The following FER variants were observed in gnomAD, a reference collection of about 807,000 sequenced individuals.
The protein encoded by FER is FER tyrosine kinase.
A neutral mutation model predicts 111.0 loss-of-function variants in FER; 63 were observed. That is an observed-to-expected ratio of 0.57 (90% CI 0.46 to 0.70). The LOEUF (loss-of-function observed/expected upper bound fraction) is 0.70. Ranked by LOEUF, FER falls within the 30% of genes least tolerant of loss-of-function variation. The probability of loss-of-function intolerance (pLI) is 0.00; values close to 1 mark genes in which losing one functional copy is unlikely to be tolerated. For synonymous variants in FER, 327 were observed against 313.9 expected (o/e 1.04, Z -0.44); for missense variants, 914 against 954.0 (o/e 0.96, Z 0.55).
In FER at chr5:108,810,352, T is replaced by C. The variant is rs1361628430; in HGVS notation, c.207+11963T>C. 2.6e-5 allele frequency among the ~76,000 whole-genome samples: 4 copies of C among 152,318 alleles called. No homozygotes were observed. In the East Asian group the frequency reaches 7.7e-4, roughly 29 times the overall value. Reference sequence around the variant, plus strand: ...GCTCTCTGTTGCCTCAGGCAATTGATTGATCCGTGTAGTGCACAGTGGTCT... The same window carrying C: ...GCTCTCTGTTGCCTCAGGCAATTGACTGATCCGTGTAGTGCACAGTGGTCT... On this transcript the variant is annotated intron_variant, in intron 3 of 19. Transcript: ENST00000281092.
chr5:109,138,383 T>G (rs1375381726), intron 17 of FER, among the ~76,000 whole-genome samples: 1 of 152,162 alleles, frequency 6.6e-6, no homozygotes, highest in Non-Finnish European at 1.5e-5. Context: ...GATGAACAGT[T>G]TCTGGGAATC....
intron 13 of FER, among the ~76,000 whole-genome samples, chr5:108,972,474 T>C (rs1362517485): frequency 6.6e-6 from 1 of 152,194 alleles, no homozygotes; most frequent in Non-Finnish European, 1.5e-5. Context: ...TACATACTCA[T>C]AAAGCATCTC....
intron 15 of FER, among the ~76,000 whole-genome samples, chr5:109,046,899 G>C (rs1416798276): frequency 2.0e-5 from 3 of 151,976 alleles, no homozygotes; most frequent in East Asian, 1.9e-4. Flanking sequence ...TATCCACGGG[G>C]GTCCTGGAAC....
intron 17 of FER, among the ~76,000 whole-genome samples, chr5:109,128,759 A>G (rs1341451442): frequency 6.6e-6 from 1 of 152,136 alleles, no homozygotes; most frequent in Non-Finnish European, 1.5e-5. Flanking sequence ...TATTATTTTA[A>G]TATATGGAGC....
At chr5:109,003,487 G>A (rs577142613) in intron 13 of FER, among the ~76,000 whole-genome samples, 32 of 152,162 alleles carry the variant, frequency 2.1e-4, no homozygotes, top group African/African-American at 6.5e-4. Flanking sequence ...GAGCGGGGAG[G>A]GATAGCAATT....
At chr5:109,187,022 TATTGA>T (rs1157494265) in intron 19 of FER, among the ~76,000 whole-genome samples, 1 of 151,998 alleles carries the variant, frequency 6.6e-6, no homozygotes, top group African/African-American at 2.4e-5. Flanking sequence ...TTTATTTCCC[TATTGA>T]ATTCACATTT....
chr5:109,080,765 C>A (rs1342779043), intron 16 of FER, among the ~76,000 whole-genome samples: 4 of 151,998 alleles, frequency 2.6e-5, no homozygotes. Flanking sequence ...ATGAGTAAAA[C>A]ATTATTCTCA....
In FER at chr5:109,037,409, T is replaced by C; in HGVS notation, c.1657-13T>C. 5 of 1,609,546 alleles carry C rather than the reference T, an allele frequency of 3.1e-6. No individual in the cohort carries two copies. Among genetic ancestry groups the C allele is most frequent in the Non-Finnish European group, 3.4e-6 (4 of 1,176,588 alleles). The stretch of plus-strand genomic sequence containing the variant: ...TGCTTGTACTAAACAACTGTTCTTA[T>C]TCTTTGCTGTAGGACAAGAAATGGA... On this transcript the variant is annotated splice_polypyrimidine_tract_variant and intron_variant, in intron 13 of 19. Transcript: ENST00000281092.
At chr5:108,852,437 T>G (rs1308633697) in intron 5 of FER, among the ~76,000 whole-genome samples, 1 of 152,198 alleles carries the variant, frequency 6.6e-6, no homozygotes, top group Non-Finnish European at 1.5e-5. Context: ...GTTGATTTCC[T>G]CAATTTGAGG....
chr5:109,051,744 C>G lies in FER; in HGVS notation c.1924+4546C>G, dbSNP rs193096744. The G allele has an allele frequency of 3.1e-3, 4,818 of 1,572,826 alleles. 14 individuals carry two copies. The highest frequency in any genetic ancestry group is 3.3e-3 in the Non-Finnish European group (3,736 of 1,142,612). On this transcript the variant is annotated intron_variant, in intron 16 of 19. Coordinates refer to ENST00000281092, the MANE Select transcript of FER (RefSeq NM_005246.4). The stretch of plus-strand genomic sequence containing the variant: ...GGTAAGGGTCGCTCTTTCCCTTAAC[C>G]CAATCCTTAACGCCCTTGAAGAAAA...
intron 10 of FER, among the ~76,000 whole-genome samples, chr5:108,939,715 T>A (rs1470599517): frequency 6.6e-6 from 1 of 152,078 alleles, no homozygotes; most frequent in East Asian, 1.9e-4. Flanking sequence ...TATTTAAAAA[T>A]TTTAATTTTT....
chr5:108,851,847 T>A (rs1762572969), intron 5 of FER, among the ~76,000 whole-genome samples: 1 of 152,194 alleles, frequency 6.6e-6, no homozygotes, highest in Admixed American at 6.6e-5. Context: ...ATAGTATTTA[T>A]AAAGGCTTTC....
chr5:108,762,943 C>T (rs1320923427), intron 1 of FER, among the ~76,000 whole-genome samples: 1 of 152,158 alleles, frequency 6.6e-6, no homozygotes, highest in African/African-American at 2.4e-5. Context: ...CTCCTACCTA[C>T]TTCATACTTA....
intron 16 of FER, among the ~76,000 whole-genome samples, chr5:109,063,008 A>G (rs555495352): frequency 5.3e-5 from 8 of 152,322 alleles, no homozygotes; most frequent in African/African-American, 1.9e-4. Flanking sequence ...CCTCTGTAAC[A>G]TGACATTTTA....
At position 108,988,541 on chromosome 5, in the gene FER, G is replaced by A. The variant is rs1217571495; in HGVS notation, c.1656+29194G>A. Among the ~76,000 whole-genome samples the A allele has an allele frequency of 4.0e-5, 6 of 151,816 alleles. No homozygotes were observed. In the South Asian group the frequency reaches 6.2e-4, roughly 16 times the overall value. On this transcript the variant is annotated intron_variant, in intron 13 of 19. Transcript: ENST00000281092. ...GTCCTTTATTTCCAGGAATTTGTCCGTTTTCTCTAGGTTTTCTAATTTAGG... is the reference window on the plus strand; with the variant it reads ...GTCCTTTATTTCCAGGAATTTGTCCATTTTCTCTAGGTTTTCTAATTTAGG...
Position 108,822,850 on chromosome 5 carries a change from C to T in FER, c.208-9920C>T, listed in dbSNP as rs530839403. 2.7e-4 allele frequency among the ~76,000 whole-genome samples: 41 copies of T among 150,692 alleles called. No homozygotes were observed. In the South Asian group the frequency reaches 8.1e-3, roughly 30 times the overall value. The stretch of plus-strand genomic sequence containing the variant: ...TGTCGCCTAGGCTGGAATACAGTGG[C>T]GCCATCTCGGCTCACTGCAGCCTCT... On this transcript the variant is annotated intron_variant, in intron 3 of 19. Transcript: ENST00000281092.
At position 109,189,168 on chromosome 5, in the gene FER, C is replaced by T. The variant is rs563824669; in HGVS notation, c.*1593C>T. On this transcript the variant is annotated 3_prime_UTR_variant, in exon 20 of 20. Transcript: ENST00000281092. Reference sequence around the variant, plus strand: ...TTAAAACTAGGATTCTGTATCTTAACTCTTATCTAGGGAACTTACTTACTT... The same window carrying T: ...TTAAAACTAGGATTCTGTATCTTAATTCTTATCTAGGGAACTTACTTACTT... 1 of 147,434 alleles carries T rather than the reference C, an allele frequency of 6.8e-6. No homozygotes were observed. Among genetic ancestry groups the T allele is most frequent in the South Asian group, 2.2e-4 (1 of 4,594 alleles). 9.1% of individuals were successfully genotyped at this position (147,434 alleles called of 1,614,324 possible). A position where few individuals can be genotyped will look rare whatever the true frequency, so the allele number is the denominator to read the frequency against.
At chr5:108,888,096 TGA>T (rs918847484) in intron 9 of FER, among the ~76,000 whole-genome samples, 1 of 151,928 alleles carries the variant, frequency 6.6e-6, no homozygotes, top group African/African-American at 2.4e-5. Flanking sequence ...CCAGAAATTT[TGA>T]GAGACTTGCA....
intron 3 of FER, among the ~76,000 whole-genome samples, chr5:108,811,600 G>C (rs1456713363): frequency 6.6e-6 from 1 of 152,070 alleles, no homozygotes; most frequent in Non-Finnish European, 1.5e-5. Context: ...TTCTGTATTA[G>C]GGTTTTCCAG....
Sources: gnomAD v4.1 joint callset for allele counts (sites outside exome capture counted in the v4.1 genomes callset) on GRCh38, gnomAD v4.1.1 for gene constraint, MANE v1.5 for transcripts, NCBI Gene and HGNC (gene_info 2026-07-23, HGNC 2026-07-21) for gene names.